The following ACAP2 variants were observed in gnomAD, a reference collection of about 807,000 sequenced individuals.
ACAP2 encodes the protein ArfGAP with coiled-coil, ankyrin repeat and PH domains 2.
ACAP2 carries 39 observed loss-of-function variants against 115.8 expected under a neutral mutation model. That is an observed-to-expected ratio of 0.34 (90% CI 0.26 to 0.44). The LOEUF (loss-of-function observed/expected upper bound fraction) is 0.44. Ranked by LOEUF, ACAP2 falls within the 20% of genes least tolerant of loss-of-function variation. The probability of loss-of-function intolerance (pLI) is 1.00; values close to 1 mark genes in which losing one functional copy is unlikely to be tolerated. For synonymous variants in ACAP2, 289 were observed against 315.8 expected, an observed-to-expected ratio of 0.92 and a Z score of 0.90; for missense variants, 662 against 927.6, an observed-to-expected ratio of 0.71 and a Z score of 3.72.
chr3:195,442,999 G>C lies in ACAP2; in HGVS notation c.-152C>G, dbSNP rs1716143203. 1.6e-6 allele frequency: 1 copy of C among 606,844 alleles called. No individual in the cohort carries two copies. Among genetic ancestry groups the C allele is most frequent in the Admixed American group, 4.3e-5 (1 of 23,414 alleles). 37.6% of individuals were successfully genotyped at this position (606,844 alleles called of 1,614,324 possible). On this transcript the variant is annotated 5_prime_UTR_variant, in exon 1 of 23. Transcript: ENST00000326793. ...CTCGCCCGCTGGTCATAGCAGCCGC[G>C]AAGACGGCGACGACTAGTCAGGCCC...
chr3:195,337,100 A>C, intron 6 of ACAP2, 124 bp from the exon 7 acceptor site: 22 of 795,080 alleles, frequency 2.8e-5, no homozygotes, highest in Non-Finnish European at 3.7e-5. Context: ...AACAAAGCTC[A>C]AGCTTTTTCA....
At chr3:195,377,711 A>G (rs1733648895) in intron 4 of ACAP2, among the ~76,000 whole-genome samples, 1 of 152,206 alleles carries the variant, frequency 6.6e-6, no homozygotes, top group Non-Finnish European at 1.5e-5. Context: ...AATAGATGGT[A>G]TATTAACTAT....
intron 7 of ACAP2, among the ~76,000 whole-genome samples, chr3:195,334,421 T>C (rs1168627281): frequency 6.6e-6 from 1 of 152,026 alleles, no homozygotes; most frequent in Non-Finnish European, 1.5e-5. Context: ...AATATGCCTG[T>C]ACATCAAAAT....
chr3:195,379,796 CCCA>C (rs1220008333), intron 4 of ACAP2, among the ~76,000 whole-genome samples: 1 of 151,918 alleles, frequency 6.6e-6, no homozygotes, highest in Non-Finnish European at 1.5e-5. Context: ...AGAGTGAGAC[CCCA>C]TCTCTAAATA....
At chr3:195,386,902 C>G (rs992342098) in intron 2 of ACAP2, among the ~76,000 whole-genome samples, 1 of 151,934 alleles carries the variant, frequency 6.6e-6, no homozygotes, top group African/African-American at 2.4e-5. Flanking sequence ...ACTGGAAGGA[C>G]TGGAGACTCA....
At position 195,347,992 on chromosome 3, in the gene ACAP2, G is replaced by A. The variant is rs78910831; in HGVS notation, c.286-2675C>T. Among the ~76,000 whole-genome samples the A allele has an allele frequency of 5.0e-4, 76 of 151,086 alleles. 1 individual carries two copies. In the East Asian group the frequency reaches 0.01, roughly 20 times the overall value. On this transcript the variant is annotated intron_variant, in intron 4 of 22. Transcript: ENST00000326793. ...ACGCCACTGCACTGCACTCTAGCCC[G>A]AGCAACAGAGTAAGATCCTATCTCG...
chr3:195,416,766 A>G (rs1713766009), intron 1 of ACAP2, among the ~76,000 whole-genome samples: 1 of 152,210 alleles, frequency 6.6e-6, no homozygotes, highest in Non-Finnish European at 1.5e-5. Flanking sequence ...GGAATGTGTC[A>G]ATTTGGTTGA....
At chr3:195,292,563 G>A in intron 18 of ACAP2, 111 bp from the exon 19 acceptor site, 1 of 984,836 alleles carries the variant, frequency 1.0e-6, no homozygotes, top group Non-Finnish European at 1.5e-6. Flanking sequence ...TTCTGTGGAT[G>A]AATGGCAGTA....
chr3:195,398,020 G>C (rs1447493934), intron 1 of ACAP2, among the ~76,000 whole-genome samples: 1 of 152,166 alleles, frequency 6.6e-6, no homozygotes, highest in Non-Finnish European at 1.5e-5. Context: ...AAGGCTTACT[G>C]GAAGAGAGAC....
chr3:195,351,441 CGTGT>C (rs56049053), intron 4 of ACAP2, among the ~76,000 whole-genome samples: 43,574 of 129,506 alleles, frequency 0.34, 7,750 homozygotes, highest in Admixed American at 0.4. Context: ...TTTTCTTTTT[CGTGT>C]GTGTGTGTGT....
intron 8 of ACAP2, among the ~76,000 whole-genome samples, chr3:195,327,749 G>A (rs1729888931): frequency 6.6e-6 from 1 of 152,008 alleles, no homozygotes; most frequent in Admixed American, 6.6e-5. Flanking sequence ...GGCCAACATA[G>A]AGAAACCCCG....
chr3:195,287,048 T>G (rs1010358917), intron 21 of ACAP2, among the ~76,000 whole-genome samples: 36 of 152,340 alleles, frequency 2.4e-4, no homozygotes, highest in African/African-American at 7.7e-4. Flanking sequence ...GTTATTTTAT[T>G]TGGCAGAGGG....
chr3:195,338,961 T>C (rs564156142), intron 6 of ACAP2, among the ~76,000 whole-genome samples: 2 of 151,908 alleles, frequency 1.3e-5, no homozygotes, highest in Non-Finnish European at 2.9e-5. Context: ...CTGGGTGAGG[T>C]GGCTCACGCC....
chr3:195,406,370 T>C (rs1712770367), intron 1 of ACAP2, among the ~76,000 whole-genome samples: 2 of 152,206 alleles, frequency 1.3e-5, no homozygotes, highest in South Asian at 2.1e-4. Flanking sequence ...ATTCTATAGT[T>C]TATCACTAGA....
intron 21 of ACAP2, among the ~76,000 whole-genome samples, chr3:195,288,166 G>C (rs1255846178): frequency 6.6e-6 from 1 of 151,924 alleles, no homozygotes; most frequent in African/African-American, 2.4e-5. Flanking sequence ...AGGCAGTATA[G>C]CATAAATGGC....
intron 2 of ACAP2, among the ~76,000 whole-genome samples, chr3:195,390,913 T>C (rs1734627768): frequency 2.0e-5 from 3 of 152,230 alleles, no homozygotes; most frequent in African/African-American, 7.2e-5. Flanking sequence ...GCTGTCTTAC[T>C]CATTCTACTG....
At chr3:195,294,853 A>G in intron 17 of ACAP2, 42 bp from the exon 18 acceptor site, 1 of 1,309,420 alleles carries the variant, frequency 7.6e-7, no homozygotes, top group South Asian at 1.2e-5. Context: ...AGTTCATGCC[A>G]TTTAGAAAAC....
intron 16 of ACAP2, among the ~76,000 whole-genome samples, 165 bp downstream of exon 16, chr3:195,297,020 CAATAT>C (rs781699878): frequency 1.7e-4 from 26 of 152,158 alleles, no homozygotes; most frequent in African/African-American, 4.8e-4. Flanking sequence ...CTGTTCAATA[CAATAT>C]AATTATCTAA....
At chr3:195,371,488 A>T (rs7627671) in intron 4 of ACAP2, among the ~76,000 whole-genome samples, 61 of 151,976 alleles carry the variant, frequency 4.0e-4, no homozygotes, top group African/African-American at 1.4e-3. Context: ...TATAGCATCA[A>T]GTCATCTGCA....
Sources: gnomAD v4.1 joint callset for allele counts (sites outside exome capture counted in the v4.1 genomes callset) on GRCh38, gnomAD v4.1.1 for gene constraint, MANE v1.5 for transcripts, NCBI Gene and HGNC (gene_info 2026-07-23, HGNC 2026-07-21) for gene names.